LRP1B: variants seen among roughly 807,000 people sequenced by gnomAD.
LRP1B encodes the protein LDL receptor related protein 1B, also known as low-density lipoprotein receptor-related protein 1B.
Under a neutral mutation model 556.6 loss-of-function variants are expected in LRP1B, and 217 were observed. The observed-to-expected ratio is 0.39, with a 90% CI of 0.35 to 0.44. LRP1B has a LOEUF of 0.44. Among genes scored for constraint, LRP1B ranks in the 20% least tolerant of loss-of-function variants. The probability of loss-of-function intolerance (pLI) is 1.00; values close to 1 mark genes in which losing one functional copy is unlikely to be tolerated. For synonymous variants in LRP1B, 2,047 were observed against 1,865.8 expected (o/e 1.10, Z -2.50); for missense variants, 5,053 against 5,620.8 (o/e 0.90, Z 3.23).
At chr2:140,507,034 A>C (rs1039221921) in intron 52 of LRP1B, 116 bp from the exon 53 acceptor site, 8 of 1,095,746 alleles carry the variant, frequency 7.3e-6, no homozygotes, top group African/African-American at 1.6e-5. Context: ...TACTGAGAAA[A>C]AGAAAACTTT....
At chr2:140,353,334 G>T (rs573954739) in intron 75 of LRP1B, among the ~76,000 whole-genome samples, 2 of 151,718 alleles carry the variant, frequency 1.3e-5, no homozygotes, top group African/African-American at 4.8e-5. Context: ...CTTCCCTGGG[G>T]CTTTCTTTTT....
At chr2:140,519,568 A>G (rs984557635) in intron 49 of LRP1B, among the ~76,000 whole-genome samples, 22 of 152,190 alleles carry the variant, frequency 1.4e-4, no homozygotes, top group African/African-American at 5.3e-4. Context: ...CTTCATGACT[A>G]AAACACCAAA....
chr2:142,013,588 C>T, intron 1 of LRP1B, among the ~76,000 whole-genome samples: 1 of 151,662 alleles, frequency 6.6e-6, no homozygotes, highest in Non-Finnish European at 1.5e-5. Context: ...GTCACTTGCC[C>T]AGTATAACAA....
chr2:141,371,232 A>G (rs1689220926), intron 3 of LRP1B, among the ~76,000 whole-genome samples: 1 of 152,090 alleles, frequency 6.6e-6, no homozygotes, highest in South Asian at 2.1e-4. Context: ...CCATTGATAT[A>G]TGTGTCTATT....
At position 140,989,676 on chromosome 2, in the gene LRP1B, C is replaced by G. The variant is rs761520189; in HGVS notation, c.2645-19G>C. On this transcript the variant is annotated intron_variant, in intron 16 of 90. Coordinates refer to ENST00000389484, the MANE Select transcript of LRP1B (RefSeq NM_018557.3). ...TGATTGACTGGGAGGGAGGGGGAAG[C>G]AAGATTAATTATTTAAAATTGGATA... The G allele has an allele frequency of 3.7e-6, 6 of 1,610,076 alleles. No homozygotes were observed. The highest frequency in any genetic ancestry group is 5.1e-6 in the Non-Finnish European group (6 of 1,177,688).
At chr2:140,478,900 A>C (rs1392044789) in intron 59 of LRP1B, among the ~76,000 whole-genome samples, 1 of 152,158 alleles carries the variant, frequency 6.6e-6, no homozygotes, top group Non-Finnish European at 1.5e-5. Flanking sequence ...TAAATAGGAA[A>C]TATGCATATT....
At chr2:141,596,672 C>T (rs1027919880) in intron 2 of LRP1B, among the ~76,000 whole-genome samples, 5 of 151,884 alleles carry the variant, frequency 3.3e-5, no homozygotes, top group Non-Finnish European at 7.4e-5. Context: ...AGGATTCTAA[C>T]CCCTTTGGAG....
intron 85 of LRP1B, among the ~76,000 whole-genome samples, chr2:140,271,634 A>G (rs1425606705): frequency 6.6e-6 from 1 of 151,984 alleles, no homozygotes; most frequent in Non-Finnish European, 1.5e-5. Flanking sequence ...ATTTCTTTTC[A>G]AGGTAAACAG....
In LRP1B at chr2:140,912,299, CACCTAATCAAGT is replaced by C. The variant is rs567298259; in HGVS notation, c.3320-4234_3320-4223del. 2.2e-4 allele frequency among the ~76,000 whole-genome samples: 33 copies of C among 151,762 alleles called. 1 individual carries two copies. In the South Asian group the frequency reaches 6.8e-3, roughly 31 times the overall value. The stretch of plus-strand genomic sequence containing the variant: ...CTTGATTCATATCAAGATAAATCCT[CACCTAATCAAGT>C]ACCTAATCAAGTCATTGGACATAAA... On this transcript the variant is annotated intron_variant, in intron 21 of 90. Transcript: ENST00000389484.
In LRP1B at chr2:140,923,091, T is replaced by C. The variant is rs1399518692; in HGVS notation, c.3193A>G (p.Asn1065Asp). Residue 1065 changes from asparagine (N) to aspartate (D), a missense_variant, in exon 21 of 91, where the codon AAT (asparagine) becomes GAT (aspartate). Physicochemically the swap from Asn to Asp is conservative, Grantham distance 23. Transcript: ENST00000389484. ...GNEFQCHPDG[N>D]CVPDLWRCDG... ...CAGCGCCACAAATCAGGAACGCAATTACCATCAGGGTGGCACTGAAATTCA... is the reference window on the plus strand; with the variant it reads ...CAGCGCCACAAATCAGGAACGCAATCACCATCAGGGTGGCACTGAAATTCA... 1.2e-6 allele frequency: 2 copies of C among 1,612,764 alleles called. No homozygotes were observed. Among genetic ancestry groups the C allele is most frequent in the Non-Finnish European group, 1.7e-6 (2 of 1,179,280 alleles).
intron 10 of LRP1B, among the ~76,000 whole-genome samples, chr2:141,053,624 T>C (rs1699098561): frequency 6.6e-6 from 1 of 152,032 alleles, no homozygotes; most frequent in South Asian, 2.1e-4. Flanking sequence ...TAGAAGCTAC[T>C]GGTCCAGGTT....
chr2:140,504,668 A>G (rs1361618021), intron 53 of LRP1B, among the ~76,000 whole-genome samples: 1 of 152,168 alleles, frequency 6.6e-6, no homozygotes, highest in Non-Finnish European at 1.5e-5. Context: ...AACCTCTTGT[A>G]TCCCAACATT....
At chr2:140,485,829 C>T (rs754049673) in intron 58 of LRP1B, among the ~76,000 whole-genome samples, 2 of 138,696 alleles carry the variant, frequency 1.4e-5, no homozygotes, top group Non-Finnish European at 3.1e-5. Context: ...AAATTTGGGA[C>T]AAAATTCTCA....
At chr2:141,975,261 TA>T (rs1350716604) in intron 1 of LRP1B, among the ~76,000 whole-genome samples, 3 of 152,128 alleles carry the variant, frequency 2.0e-5, no homozygotes, top group African/African-American at 7.2e-5. Flanking sequence ...AATATACTGT[TA>T]AAATGTAATT....
chr2:140,974,116 T>A (rs557953833), intron 18 of LRP1B, among the ~76,000 whole-genome samples: 1 of 152,274 alleles, frequency 6.6e-6, no homozygotes, highest in South Asian at 2.1e-4. Context: ...ATTGATTCCA[T>A]GTAGCTTCAG....
At chr2:141,413,653 T>C (rs1405835649) in intron 3 of LRP1B, among the ~76,000 whole-genome samples, 3 of 152,162 alleles carry the variant, frequency 2.0e-5, no homozygotes, top group Admixed American at 6.5e-5. Flanking sequence ...GACTCCCACC[T>C]GTAATCCCAG....
chr2:140,977,170 G>A (rs74892910), intron 18 of LRP1B, among the ~76,000 whole-genome samples: 1 of 152,080 alleles, frequency 6.6e-6, no homozygotes, highest in Non-Finnish European at 1.5e-5. Flanking sequence ...GACCCAGTGG[G>A]AGGTAATTGA....
intron 35 of LRP1B, among the ~76,000 whole-genome samples, chr2:140,738,310 C>T (rs955675401): frequency 1.1e-4 from 17 of 152,146 alleles, no homozygotes; most frequent in Non-Finnish European, 2.1e-4. Context: ...TCTAAATTTC[C>T]TCATGGGGCA....
At chr2:141,642,096 A>C (rs1031274390) in intron 2 of LRP1B, among the ~76,000 whole-genome samples, 2 of 152,162 alleles carry the variant, frequency 1.3e-5, no homozygotes, top group African/African-American at 2.4e-5. Flanking sequence ...AGATTTAACG[A>C]AGCTCATTTT....
Sources: gnomAD v4.1 joint callset for allele counts (sites outside exome capture counted in the v4.1 genomes callset) on GRCh38, gnomAD v4.1.1 for gene constraint, MANE v1.5 for transcripts, NCBI Gene and HGNC (gene_info 2026-07-23, HGNC 2026-07-21) for gene names.